The following DCT variants were observed in gnomAD, a reference collection of about 807,000 sequenced individuals.
DCT encodes the protein dopachrome tautomerase.
DCT carries 47 observed loss-of-function variants against 53.0 expected under a neutral mutation model. The observed-to-expected ratio is 0.89, with a 90% confidence interval of 0.70 to 1.13. DCT has a LOEUF of 1.13. DCT is among the 50% of genes most tolerant of loss of function. DCT has a pLI of 0.00. For synonymous variants in DCT, 244 were observed against 237.0 expected (o/e 1.03, Z -0.27); for missense variants, 669 against 637.4 (o/e 1.05, Z -0.53).
the DCT span, among the ~76,000 whole-genome samples, chr13:94,543,729 G>A: frequency 6.6e-6 from 1 of 151,960 alleles, no homozygotes; most frequent in Admixed American, 6.6e-5. Flanking sequence ...CTTTTAAGTT[G>A]AGTTAATCAA....
chr13:94,502,571 G>A, the DCT span, among the ~76,000 whole-genome samples: 1 of 152,136 alleles, frequency 6.6e-6, no homozygotes, highest in East Asian at 1.9e-4. Context: ...GTGAACTTGT[G>A]ATTACACCCA....
the DCT span, among the ~76,000 whole-genome samples, chr13:94,532,690 A>G: frequency 6.6e-6 from 1 of 152,178 alleles, no homozygotes; most frequent in Non-Finnish European, 1.5e-5. Flanking sequence ...AATGTAAATG[A>G]CAAGTTGATG....
chr13:94,454,793 C>T (rs1363754634), intron 6 of DCT, among the ~76,000 whole-genome samples: 37 of 152,144 alleles, frequency 2.4e-4, no homozygotes, highest in Admixed American at 2.4e-3. Flanking sequence ...TCATTTAAGG[C>T]TGAATTGGCT....
the DCT span, among the ~76,000 whole-genome samples, chr13:94,539,740 A>C: frequency 6.6e-6 from 1 of 152,144 alleles, no homozygotes; most frequent in African/African-American, 2.4e-5. Flanking sequence ...CATGATTGCT[A>C]TTGGGTGAGA....
chr13:94,472,513 C>A, intron 1 of DCT, among the ~76,000 whole-genome samples: 1 of 37,518 alleles, frequency 2.7e-5, no homozygotes. Flanking sequence ...TAAATATATA[C>A]ATACATACAT....
At chr13:94,525,923 C>T in the DCT span, among the ~76,000 whole-genome samples, 7 of 152,204 alleles carry the variant, frequency 4.6e-5, no homozygotes, top group Non-Finnish European at 1.0e-4. Flanking sequence ...TTTGGTTTGG[C>T]TGCATACACG....
the DCT span, among the ~76,000 whole-genome samples, chr13:94,495,520 C>A: frequency 6.6e-6 from 1 of 152,120 alleles, no homozygotes; most frequent in African/African-American, 2.4e-5. Context: ...GCCAAAACTT[C>A]AAATAAAAAA....
intron 6 of DCT, among the ~76,000 whole-genome samples, chr13:94,446,492 G>A (rs538305211): frequency 1.1e-4 from 17 of 151,934 alleles, no homozygotes; most frequent in Admixed American, 3.9e-4. Context: ...GTAAATTAGT[G>A]AGTATTTATT....
the DCT span, among the ~76,000 whole-genome samples, chr13:94,533,756 G>A: frequency 9.2e-5 from 14 of 152,098 alleles, no homozygotes; most frequent in Admixed American, 5.9e-4. Context: ...CTCTACCCTG[G>A]GCAACAGAGC....
the DCT span, among the ~76,000 whole-genome samples, chr13:94,543,137 G>T: frequency 6.6e-6 from 1 of 152,150 alleles, no homozygotes. Flanking sequence ...GTTTTTGCCT[G>T]ACTAGGGCAC....
chr13:94,450,359 G>C (rs1220927302), intron 6 of DCT, among the ~76,000 whole-genome samples: 2 of 152,092 alleles, frequency 1.3e-5, no homozygotes, highest in Non-Finnish European at 2.9e-5. Flanking sequence ...TTCCAGGCAG[G>C]GCGCAGCAAG....
intron 1 of DCT, among the ~76,000 whole-genome samples, chr13:94,475,930 G>A (rs1007472397): frequency 2.0e-5 from 3 of 152,162 alleles, no homozygotes; most frequent in Non-Finnish European, 4.4e-5. Flanking sequence ...AAAAATGTAG[G>A]TGTGGAAAGA....
At chr13:94,463,273 A>C (rs569087754) in intron 4 of DCT, among the ~76,000 whole-genome samples, 1 of 148,748 alleles carries the variant, frequency 6.7e-6, no homozygotes, top group East Asian at 2.0e-4. Context: ...AGTAGCTGGG[A>C]CTACTGGCTA....
At chr13:94,454,871 T>C (rs1883309561) in intron 6 of DCT, among the ~76,000 whole-genome samples, 1 of 152,202 alleles carries the variant, frequency 6.6e-6, no homozygotes, top group South Asian at 2.1e-4. Context: ...CAAAACATTA[T>C]TCATTCTGTG....
At position 94,439,891 on chromosome 13, in the gene DCT, G is replaced by T; in HGVS notation, c.*7C>A. 1 of 1,608,728 alleles carries T rather than the reference G, an allele frequency of 6.2e-7. No individual in the cohort carries two copies. Among genetic ancestry groups the T allele is most frequent in the South Asian group, 1.1e-5 (1 of 89,978 alleles). ...CAGCCTCTTCTCTTAGGTAAGGCAT[G>T]AGCACCCTAGGCTTCTTCTGTGTAT... On this transcript the variant is annotated 3_prime_UTR_variant, in exon 8 of 8. Coordinates refer to ENST00000377028, the MANE Select transcript of DCT (RefSeq NM_001922.5).
chr13:94,549,074 T>G, the DCT span, among the ~76,000 whole-genome samples: 4 of 152,152 alleles, frequency 2.6e-5, no homozygotes, highest in African/African-American at 9.7e-5. Flanking sequence ...CCTTCACCGG[T>G]GGGCAAGTAA....
upstream of DCT, among the ~76,000 whole-genome samples, chr13:94,480,453 C>G (rs1285305926): frequency 6.6e-6 from 1 of 152,160 alleles, no homozygotes; most frequent in African/African-American, 2.4e-5. Flanking sequence ...GTAACTGTTT[C>G]ACAGTGGAAA....
the DCT span, among the ~76,000 whole-genome samples, chr13:94,492,789 T>C: frequency 1.2e-4 from 19 of 152,360 alleles, no homozygotes; most frequent in Middle Eastern, 0.01. Context: ...ATTATTCTAA[T>C]TAATCTTTGG....
At chr13:94,487,664 G>A in the DCT span, among the ~76,000 whole-genome samples, 2 of 152,134 alleles carry the variant, frequency 1.3e-5, no homozygotes, top group Non-Finnish European at 2.9e-5. Context: ...GCTTGCCAAC[G>A]AGTTGCCTGC....
Sources: gnomAD v4.1 joint callset for allele counts (sites outside exome capture counted in the v4.1 genomes callset) on GRCh38, gnomAD v4.1.1 for gene constraint, MANE v1.5 for transcripts, NCBI Gene and HGNC (gene_info 2026-07-23, HGNC 2026-07-21) for gene names.